The following FAM200B variants were observed in gnomAD, a reference collection of about 807,000 sequenced individuals.
The protein encoded by FAM200B is protein FAM200B.
FAM200B carries 32 observed loss-of-function variants against 33.1 expected under a neutral mutation model. The observed-to-expected ratio is 0.97, with a 90% CI of 0.73 to 1.30. FAM200B has a LOEUF of 1.30. Among genes scored for constraint, FAM200B ranks in the 50% most tolerant of loss-of-function variants. The pLI, the probability that FAM200B is intolerant of heterozygous loss-of-function variation, is 0.00. For missense variants in FAM200B, 741 were observed against 754.0 expected (o/e 0.98, Z 0.20); for synonymous variants, 240 against 264.8 (o/e 0.91, Z 0.91).
Position 15,687,091 on chromosome 4 carries a change from T to C in FAM200B, c.114T>C (p.Asn38=). ...TGAATAGTGACAATATTGAGAAAAA[T>C]ACTGACTCCAATCTGCAAACTTCAA... ...GIVNSDNIEK[N]TDSNLQTSTS... The change falls in exon 2 of 2, where the codon AAT becomes AAC. Residue 38 remains asparagine, a synonymous_variant. Coordinates refer to ENST00000422728, the MANE Select transcript of FAM200B (RefSeq NM_001145191.2). The C allele has an allele frequency of 6.5e-7, 1 of 1,548,748 alleles. No individual in the cohort carries two copies. Among genetic ancestry groups the C allele is most frequent in the Non-Finnish European group, 8.7e-7 (1 of 1,145,686 alleles).
rs995240458 is a variant in FAM200B, at chr4:15,685,094, G to A, written c.-742-1142G>A. 5 of 126,078 alleles carry A rather than the reference G, an allele frequency of 4.0e-5. No homozygotes were observed. In the South Asian group the frequency reaches 1.2e-3, roughly 30 times the overall value. The allele number at this position is 126,078 out of a possible 1,614,324, so 7.8% of individuals were successfully genotyped here. A position where few individuals can be genotyped will look rare whatever the true frequency, so the allele number is the denominator to read the frequency against. Reference sequence around the variant, plus strand: ...GTATAAAACCTGATCAGGAAAAAGAGGTTTAGGGCCAAACTATACAACTTT... The same window carrying A: ...GTATAAAACCTGATCAGGAAAAAGAAGTTTAGGGCCAAACTATACAACTTT... On this transcript the variant is annotated intron_variant, in intron 1 of 1. Transcript: ENST00000422728.
chr4:15,656,122 T>G, the FAM200B span: 2 of 454,184 alleles, frequency 4.4e-6, no homozygotes, highest in South Asian at 3.1e-5. Context: ...CGACGGGCCT[T>G]GGGGGTGGGG....
chr4:15,651,390 T>G, the FAM200B span, among the ~76,000 whole-genome samples: 1 of 152,234 alleles, frequency 6.6e-6, no homozygotes, highest in Non-Finnish European at 1.5e-5. Flanking sequence ...TAAGACTGTT[T>G]CCTCAACTTT....
At chr4:15,640,761 A>G in the FAM200B span, 1 of 1,259,180 alleles carries the variant, frequency 7.9e-7, no homozygotes, top group African/African-American at 1.5e-5. Flanking sequence ...TTATAAATCT[A>G]AATCACGAAA....
the FAM200B span, among the ~76,000 whole-genome samples, chr4:15,669,371 A>G: frequency 6.6e-6 from 1 of 152,244 alleles, no homozygotes; most frequent in Non-Finnish European, 1.5e-5. Flanking sequence ...GTATTACTTC[A>G]TGGAACCACC....
At position 15,688,739 on chromosome 4, in the gene FAM200B, A is replaced by T. The variant is rs544201484; in HGVS notation, c.1762A>T (p.Lys588Ter). Residue 588 changes from lysine (K) to a stop codon, truncating the protein, a stop_gained, in exon 2 of 2, where the codon AAG becomes TAG. Coordinates refer to ENST00000422728, the MANE Select transcript of FAM200B (RefSeq NM_001145191.2). LOFTEE classifies it high-confidence loss of function. ...LSLSAFWMKVKEDFPLLSRKS... is the reference protein window; with the variant it reads ...LSLSAFWMKV Reference sequence around the variant, plus strand: ...TTTATCAGCATTTTGGATGAAGGTAAAGGAAGACTTTCCATTGTTAAGTAG... The same window carrying T: ...TTTATCAGCATTTTGGATGAAGGTATAGGAAGACTTTCCATTGTTAAGTAG... The T allele has an allele frequency of 6.4e-7, 1 of 1,550,562 alleles. No individual in the cohort carries two copies. Among genetic ancestry groups the T allele is most frequent in the Non-Finnish European group, 8.7e-7 (1 of 1,146,214 alleles).
the FAM200B span, among the ~76,000 whole-genome samples, chr4:15,644,193 T>C: frequency 6.6e-6 from 1 of 152,202 alleles, no homozygotes; most frequent in Non-Finnish European, 1.5e-5. Context: ...CTAGCAAGAA[T>C]CCCCTTGGCC....
chr4:15,644,572 T>C, the FAM200B span: 3 of 1,614,048 alleles, frequency 1.9e-6, no homozygotes, highest in African/African-American at 2.7e-5. Flanking sequence ...ATAAATGGTC[T>C]GGCTGCGTTG....
the FAM200B span, among the ~76,000 whole-genome samples, chr4:15,663,808 T>A: frequency 6.6e-6 from 1 of 152,208 alleles, no homozygotes; most frequent in Non-Finnish European, 1.5e-5. Flanking sequence ...AACTCACCAT[T>A]TTCTGTCCTC....
At chr4:15,674,676 G>C in the FAM200B span, among the ~76,000 whole-genome samples, 4 of 149,154 alleles carry the variant, frequency 2.7e-5, no homozygotes, top group African/African-American at 4.9e-5. Context: ...TTGAGACAGA[G>C]TCTCACTCTG....
At chr4:15,682,094 A>G (rs142773513) in intron 1 of FAM200B, 193 bp downstream of exon 1, 1 of 152,498 alleles carries the variant, frequency 6.6e-6, no homozygotes, top group African/African-American at 2.4e-5. Context: ...GCCAAAGTTC[A>G]TTGAAATCCT....
chr4:15,645,629 A>G, the FAM200B span, among the ~76,000 whole-genome samples: 1 of 152,022 alleles, frequency 6.6e-6, no homozygotes, highest in Non-Finnish European at 1.5e-5. Context: ...GGGTTTCACC[A>G]TCTTGGCCAG....
At chr4:15,670,577 T>C in the FAM200B span, among the ~76,000 whole-genome samples, 10,585 of 152,286 alleles carry the variant, frequency 0.07, 480 homozygotes, top group Middle Eastern at 0.099. Flanking sequence ...TTAACTGGGA[T>C]GCATATATAG....
the FAM200B span, among the ~76,000 whole-genome samples, chr4:15,639,411 C>G: frequency 6.6e-6 from 1 of 152,302 alleles, no homozygotes; most frequent in East Asian, 1.9e-4. Flanking sequence ...CCATAAAAGT[C>G]AGAACTCTAC....
At chr4:15,638,776 C>G in the FAM200B span, 1 of 852,314 alleles carries the variant, frequency 1.2e-6, no homozygotes, top group Admixed American at 3.1e-5. Context: ...ATTAATGGCT[C>G]GAATGTCGTA....
At chr4:15,684,225 C>T (rs1472741112) in intron 1 of FAM200B, among the ~76,000 whole-genome samples, 1 of 152,152 alleles carries the variant, frequency 6.6e-6, no homozygotes, top group African/African-American at 2.4e-5. Context: ...CACTGGTGTA[C>T]TTGATCGTGT....
chr4:15,657,534 C>T, the FAM200B span, among the ~76,000 whole-genome samples: 1 of 152,212 alleles, frequency 6.6e-6, no homozygotes, highest in Non-Finnish European at 1.5e-5. Context: ...CACAGTTTCA[C>T]TGTAACCCAG....
At position 15,687,405 on chromosome 4, in the gene FAM200B, G is replaced by A; in HGVS notation, c.428G>A (p.Ser143Asn). The change falls in exon 2 of 2, where the codon AGT becomes AAT. Residue 143 changes from serine (S) to asparagine (N), a missense_variant. By Grantham distance (46) the Ser-to-Asn change is conservative (BLOSUM62 1). Coordinates refer to ENST00000422728, the MANE Select transcript of FAM200B (RefSeq NM_001145191.2). ...TTTCTTAGTTGTTCTACTGCTGTTA[G>A]TGAGAAAGCCTTATTATCATCATAT... The part of the protein sequence containing the change: ...TQFLSCSTAV[S>N]EKALLSSYLV... The A allele has an allele frequency of 1.3e-6, 2 of 1,548,914 alleles. No homozygotes were observed. Among genetic ancestry groups the A allele is most frequent in the Non-Finnish European group, 1.7e-6 (2 of 1,145,272 alleles).
At chr4:15,639,718 G>A in the FAM200B span, among the ~76,000 whole-genome samples, 1 of 152,242 alleles carries the variant, frequency 6.6e-6, no homozygotes, top group East Asian at 1.9e-4. Context: ...TGAGTTGGGG[G>A]GCCCTGAAAA....
Sources: gnomAD v4.1 joint callset for allele counts (sites outside exome capture counted in the v4.1 genomes callset) on GRCh38, gnomAD v4.1.1 for gene constraint, MANE v1.5 for transcripts, NCBI Gene and HGNC (gene_info 2026-07-23, HGNC 2026-07-21) for gene names.